Variants in GALNT14 observed in about 807,000 individuals in gnomAD.
GALNT14 encodes the protein polypeptide N-acetylgalactosaminyltransferase 14, also known as UDP-GalNAc:polypeptide N-acetylgalactosaminyltransferase 14.
A neutral mutation model predicts 77.5 loss-of-function variants in GALNT14; 60 were observed. That is an observed-to-expected ratio of 0.77 (90% confidence interval 0.63 to 0.96). The LOEUF is 0.96. Among genes scored for constraint, GALNT14 ranks in the 40% least tolerant of loss-of-function variants. The probability of loss-of-function intolerance (pLI) is 0.00; values close to 1 mark genes in which losing one functional copy is unlikely to be tolerated. For missense variants in GALNT14, 710 were observed against 731.0 expected, an observed-to-expected ratio of 0.97 and a Z score of 0.33; for synonymous variants, 280 against 281.7, an observed-to-expected ratio of 0.99 and a Z score of 0.06.
At chr2:31,019,039 C>A (rs1004662113) in intron 1 of GALNT14, among the ~76,000 whole-genome samples, 1 of 133,870 alleles carries the variant, frequency 7.5e-6, no homozygotes, top group Non-Finnish European at 1.7e-5. Flanking sequence ...TTATTGGGCA[C>A]CATCTCACAT....
At chr2:31,050,552 G>A (rs996376037) in intron 1 of GALNT14, among the ~76,000 whole-genome samples, 1 of 152,090 alleles carries the variant, frequency 6.6e-6, no homozygotes, top group African/African-American at 2.4e-5. Context: ...TCAGCTCCTG[G>A]GACAGAAAGG....
chr2:31,002,029 G>A (rs374750556), intron 1 of GALNT14, among the ~76,000 whole-genome samples: 35 of 152,084 alleles, frequency 2.3e-4, no homozygotes, highest in Admixed American at 7.2e-4. Context: ...TGAATATCTC[G>A]TTTTTACTAC....
intron 2 of GALNT14, among the ~76,000 whole-genome samples, chr2:30,972,707 T>C (rs964715270): frequency 4.6e-5 from 7 of 152,224 alleles, no homozygotes; most frequent in Non-Finnish European, 5.9e-5. Context: ...TGTGGCCTTG[T>C]ACACTGTGTA....
chr2:30,935,236 C>T (rs565614459), intron 9 of GALNT14, among the ~76,000 whole-genome samples: 3 of 152,288 alleles, frequency 2.0e-5, no homozygotes, highest in African/African-American at 7.2e-5. Context: ...CAGGGAAGCA[C>T]ATCTCTCCAA....
intron 2 of GALNT14, among the ~76,000 whole-genome samples, chr2:30,974,981 C>T (rs1420957080): frequency 6.6e-6 from 1 of 152,150 alleles, no homozygotes. Flanking sequence ...GTGACACCCT[C>T]ACAGGGAGCT....
At chr2:31,087,696 T>C (rs939769400) in intron 1 of GALNT14, among the ~76,000 whole-genome samples, 1 of 152,136 alleles carries the variant, frequency 6.6e-6, no homozygotes, top group African/African-American at 2.4e-5. Flanking sequence ...GCCAACCGTG[T>C]GGAATGCTAT....
At chr2:31,108,259 T>C (rs1490265697) in intron 1 of GALNT14, among the ~76,000 whole-genome samples, 1 of 152,202 alleles carries the variant, frequency 6.6e-6, no homozygotes, top group Non-Finnish European at 1.5e-5. Flanking sequence ...CCACCATCAC[T>C]ACATCAGTCA....
At chr2:30,910,194 A>G (rs143799352), downstream of GALNT14, among the ~76,000 whole-genome samples, 508 of 152,130 alleles carry the variant, frequency 3.3e-3, 3 homozygotes, top group Middle Eastern at 0.02. Context: ...CATGTACCCT[A>G]AAACTTAAAG....
chr2:31,015,629 A>G (rs1234351237), intron 1 of GALNT14, among the ~76,000 whole-genome samples: 1 of 152,216 alleles, frequency 6.6e-6, no homozygotes. Context: ...TAACATTACC[A>G]GTAATAAAAC....
chr2:31,118,345 T>C (rs192989142), intron 1 of GALNT14, among the ~76,000 whole-genome samples: 239 of 152,152 alleles, frequency 1.6e-3, no homozygotes, highest in African/African-American at 5.4e-3. Context: ...ATCCAACTTA[T>C]GAAAATAGAT....
downstream of GALNT14, among the ~76,000 whole-genome samples, chr2:30,907,243 AC>A (rs889952562): frequency 4.1e-4 from 62 of 152,174 alleles, no homozygotes; most frequent in Non-Finnish European, 1.3e-4. Context: ...GACACAAAAA[AC>A]CCTTCAAAAA....
intron 2 of GALNT14, among the ~76,000 whole-genome samples, chr2:30,987,908 A>G (rs1669410083): frequency 6.6e-6 from 1 of 152,196 alleles, no homozygotes. Flanking sequence ...TGGTAAGAAA[A>G]TTGGAAGCAA....
chr2:30,929,275 T>A (rs1395558376), intron 11 of GALNT14, 120 bp downstream of exon 11: 3 of 682,732 alleles, frequency 4.4e-6, no homozygotes, highest in Non-Finnish European at 7.7e-6. Flanking sequence ...GCCACAGCCT[T>A]GGGCCCTGCG....
chr2:31,113,875 T>C (rs1677965490), intron 1 of GALNT14, among the ~76,000 whole-genome samples: 1 of 152,064 alleles, frequency 6.6e-6, no homozygotes, highest in African/African-American at 2.4e-5. Flanking sequence ...TGGGCCCCAG[T>C]ACAACAGTGG....
chr2:31,095,413 C>T (rs987086859), intron 1 of GALNT14, among the ~76,000 whole-genome samples: 13 of 152,106 alleles, frequency 8.5e-5, no homozygotes, highest in Non-Finnish European at 1.9e-4. Flanking sequence ...ACTGGACACA[C>T]AAGAAATCAT....
intron 1 of GALNT14, among the ~76,000 whole-genome samples, chr2:31,077,394 C>A (rs1455254690): frequency 6.6e-6 from 1 of 152,208 alleles, no homozygotes; most frequent in Admixed American, 6.5e-5. Context: ...CCATCTCCAG[C>A]AGTTTCTTTC....
intron 9 of GALNT14, among the ~76,000 whole-genome samples, chr2:30,934,110 G>A (rs72787205): frequency 0.014 from 2,168 of 152,298 alleles, 17 homozygotes; most frequent in Non-Finnish European, 0.024. Context: ...TCTCCATAAA[G>A]TCCCACTGTA....
chr2:31,080,542 G>A (rs1676095339), intron 1 of GALNT14, among the ~76,000 whole-genome samples: 1 of 152,200 alleles, frequency 6.6e-6, no homozygotes, highest in East Asian at 1.9e-4. Context: ...TGTATATGGA[G>A]AACAGTTTTC....
intron 1 of GALNT14, among the ~76,000 whole-genome samples, chr2:31,061,971 G>A (rs993589611): frequency 4.6e-5 from 7 of 152,034 alleles, no homozygotes; most frequent in South Asian, 2.1e-4. Context: ...TTCATACCCC[G>A]GCATTTAATA....
Sources: allele counts gnomAD v4.1 joint callset (sites outside exome capture counted in the v4.1 genomes callset), GRCh38; gene constraint gnomAD v4.1.1; transcripts MANE v1.5; gene names NCBI Gene and HGNC (gene_info 2026-07-23, HGNC 2026-07-21).